The following POR variants were observed in gnomAD, a reference collection of about 807,000 sequenced individuals.
POR encodes the protein NADPH--cytochrome P450 reductase.
A neutral mutation model predicts 84.0 loss-of-function variants in POR; 56 were observed. That is an observed-to-expected ratio of 0.67 (90% CI 0.54 to 0.83). The LOEUF is 0.83. POR is among the 40% of genes least tolerant of loss of function. POR has a pLI of 0.00. For synonymous variants in POR, 414 were observed against 400.5 expected (o/e 1.03, Z -0.40); for missense variants, 938 against 944.3 (o/e 0.99, Z 0.09).
Position 75,986,015 on chromosome 7 carries a change from G to A in POR, c.1762G>A (p.Asp588Asn), listed in dbSNP as rs1404341588. 6.4e-7 allele frequency: 1 copy of A among 1,565,252 alleles called. No individual in the cohort carries two copies. The highest frequency in any genetic ancestry group is 8.6e-7 in the Non-Finnish European group (1 of 1,156,116). Residue 588 changes from aspartate to asparagine, a missense_variant, in exon 14 of 16, where the codon GAC becomes AAC. Transcript: ENST00000461988. Reference sequence around the variant, plus strand: ...GGAGGAGCTGGCGCAGTTCCACAGGGACGGTGCGCTCACCCAGCTCAACGT... The same window carrying A: ...GGAGGAGCTGGCGCAGTTCCACAGGAACGGTGCGCTCACCCAGCTCAACGT...
At position 75,947,575 on chromosome 7, in the gene POR, G is replaced by A. The variant is rs192995327; in HGVS notation, c.-4-6414G>A. On this transcript the variant is annotated intron_variant, in intron 1 of 15. Transcript: ENST00000461988. ...CTCCCAAAGTGCTGTGATTACAGGCGTTAGCCACCACGGCCGGCCCCAATG... is the reference window on the plus strand; with the variant it reads ...CTCCCAAAGTGCTGTGATTACAGGCATTAGCCACCACGGCCGGCCCCAATG... Among the ~76,000 whole-genome samples the A allele has an allele frequency of 7.9e-5, 12 of 152,302 alleles. No homozygotes were observed. The East Asian group carries it at 1.4e-3, about 17-fold the overall frequency.
At chr7:75,983,915 A>C (rs1416091543) in intron 10 of POR, 59 bp downstream of exon 10, 15 of 1,360,006 alleles carry the variant, frequency 1.1e-5, no homozygotes, top group Middle Eastern at 1.8e-4. Flanking sequence ...TTGGGCCTGT[A>C]GGAAGGCCCT....
chr7:75,923,970 A>C (rs1413159774), intron 1 of POR, among the ~76,000 whole-genome samples: 5 of 152,148 alleles, frequency 3.3e-5, no homozygotes, highest in Non-Finnish European at 5.9e-5. Context: ...CCAAGGAAAA[A>C]TTCCAGCGTT....
chr7:75,980,954 G>C, intron 5 of POR, 94 bp from the exon 6 acceptor site: 3 of 1,414,808 alleles, frequency 2.1e-6, no homozygotes, highest in Non-Finnish European at 2.8e-6. Flanking sequence ...CAGCAGCTCA[G>C]CCAGTGCTGT....
rs782773287 is a variant in POR, at chr7:75,980,589, C to T, written c.516+101C>T. 5 of 1,609,008 alleles carry T rather than the reference C, an allele frequency of 3.1e-6. No individual in the cohort carries two copies. The African/African-American group carries it at 5.3e-5, about 17-fold the overall frequency. On this transcript the variant is annotated intron_variant, in intron 5 of 15. Coordinates refer to ENST00000461988, the MANE Select transcript of POR (RefSeq NM_000941.3). Reference sequence around the variant, plus strand: ...GAAAGGCAGCCCTCCAGACCCCCACCCTGTCCTCAGCAGCCAGGGCAGGCC... The same window carrying T: ...GAAAGGCAGCCCTCCAGACCCCCACTCTGTCCTCAGCAGCCAGGGCAGGCC...
At position 75,982,382 on chromosome 7, in the gene POR, C is replaced by G. The variant is rs563513084; in HGVS notation, c.830+60C>G. On this transcript the variant is annotated intron_variant, in intron 8 of 15. Transcript: ENST00000461988. ...TCTATGGCCACTGGTGCACCCCAGG[C>G]TCAGTCTGCCGTGTATCCCCATATC... 16 of 1,369,474 alleles carry G rather than the reference C, an allele frequency of 1.2e-5. No homozygotes were observed. The South Asian group carries it at 1.9e-4, about 16-fold the overall frequency. 84.8% of individuals were successfully genotyped at this position (1,369,474 alleles called of 1,614,324 possible). A position where few individuals can be genotyped will look rare whatever the true frequency, so the allele number is the denominator to read the frequency against.
chr7:75,985,564 C>G lies in POR; in HGVS notation c.1399-15C>G. ...CCTCGGTGTGGCGGTGGAGCTCACA[C>G]GGCCCTCCCCACAGGTCCACCCCAA... On this transcript the variant is annotated splice_polypyrimidine_tract_variant and intron_variant, in intron 12 of 15. Coordinates refer to ENST00000461988, the MANE Select transcript of POR (RefSeq NM_000941.3). 6.6e-7 allele frequency: 1 copy of G among 1,517,306 alleles called. No homozygotes were observed. The highest frequency in any genetic ancestry group is 8.9e-7 in the Non-Finnish European group (1 of 1,128,116). 94.0% of individuals were successfully genotyped at this position (1,517,306 alleles called of 1,614,324 possible).
chr7:75,980,749 A>C, intron 5 of POR: 1 of 1,464,166 alleles, frequency 6.8e-7, no homozygotes, highest in Non-Finnish European at 9.1e-7. Context: ...TGGACGACTG[A>C]GACCTGCCTG....
At position 75,934,122 on chromosome 7, in the gene POR, A is replaced by AGTGTGTGTGT. The variant is rs58236447; in HGVS notation, c.-5+18984_-5+18993dup. 1.9e-3 allele frequency among the ~76,000 whole-genome samples: 244 copies of AGTGTGTGTGT among 126,852 alleles called. 4 individuals are homozygous for AGTGTGTGTGT. In the South Asian group the frequency reaches 0.026, roughly 13 times the overall value. 83.2% of individuals were successfully genotyped at this position (126,852 alleles called of 152,430 possible). A position where few individuals can be genotyped will look rare whatever the true frequency, so the allele number is the denominator to read the frequency against. On this transcript the variant is annotated intron_variant, in intron 1 of 15. Coordinates refer to ENST00000461988, the MANE Select transcript of POR (RefSeq NM_000941.3). ...TTTTTTTCCTGGTCCAAGACCTCAGAGTGTGTGTGTGTGTGTGTGTGTGTG... is the reference window on the plus strand; with the variant it reads ...TTTTTTTCCTGGTCCAAGACCTCAGAGTGTGTGTGTGTGTGTGTGTGTGTGTGTGTGTGTG...
chr7:75,979,100 T>A (rs1339180651), intron 3 of POR, among the ~76,000 whole-genome samples: 2 of 152,244 alleles, frequency 1.3e-5, no homozygotes, highest in Non-Finnish European at 2.9e-5. Context: ...CCCGGCTGCA[T>A]CCTTGGATGT....
chr7:75,974,524 C>CTTTTTTTTTTTTTTTTTTTT (rs1238804117), intron 3 of POR, among the ~76,000 whole-genome samples: 13 of 107,902 alleles, frequency 1.2e-4, no homozygotes, highest in African/African-American at 2.2e-4. Context: ...TTTTTCTTTT[C>CTTTTTTTTTTTTTTTTTTTT]TTTTTTTTTT....
intron 1 of POR, among the ~76,000 whole-genome samples, chr7:75,947,780 G>C (rs1182673136): frequency 2.0e-5 from 3 of 152,016 alleles, no homozygotes; most frequent in Admixed American, 2.0e-4. Context: ...GAATGAGTAC[G>C]AAGCTTCGAG....
intron 1 of POR, among the ~76,000 whole-genome samples, chr7:75,920,298 G>A (rs1163355950): frequency 3.3e-5 from 5 of 151,798 alleles, no homozygotes; most frequent in African/African-American, 9.7e-5. Flanking sequence ...TCAAACTCCT[G>A]ACCTCAAGTG....
chr7:75,978,283 C>T (rs1554557124), intron 3 of POR, among the ~76,000 whole-genome samples: 1 of 152,170 alleles, frequency 6.6e-6, no homozygotes, highest in East Asian at 1.9e-4. Flanking sequence ...AAGAATTCAA[C>T]TGCAGACTGA....
intron 1 of POR, among the ~76,000 whole-genome samples, chr7:75,952,810 C>G (rs1222474222): frequency 2.0e-5 from 3 of 151,366 alleles, no homozygotes; most frequent in African/African-American, 7.3e-5. Flanking sequence ...GGATGGCGGC[C>G]GGGCAGAGAC....
chr7:75,935,654 T>A (rs2116306309), intron 1 of POR, among the ~76,000 whole-genome samples: 1 of 151,432 alleles, frequency 6.6e-6, no homozygotes, highest in East Asian at 2.0e-4. Flanking sequence ...TGTGTGTGTG[T>A]GTGTGTGTGT....
chr7:75,981,576 T>G lies in POR; in HGVS notation c.701T>G (p.Phe234Cys), dbSNP rs1554557959. The G allele has an allele frequency of 1.9e-6, 3 of 1,613,106 alleles. No individual in the cohort carries two copies. The highest frequency in any genetic ancestry group is 3.3e-5 in the Admixed American group (2 of 59,970). ...TTCTGGCCGGCCGTGTGTGAACACT[T>G]TGGGGTGGAAGCCACTGGCGAGGAG... The change falls in exon 7 of 16, where the codon TTT becomes TGT. Residue 234 changes from phenylalanine (F) to cysteine (C), a missense_variant. Coordinates refer to ENST00000461988, the MANE Select transcript of POR (RefSeq NM_000941.3).
intron 1 of POR, among the ~76,000 whole-genome samples, chr7:75,948,502 C>T (rs1269895161): frequency 6.6e-6 from 1 of 152,078 alleles, no homozygotes; most frequent in African/African-American, 2.4e-5. Context: ...CTGTGAACTC[C>T]GGGAAGAGGC....
rs1487584410 is a variant in POR at position 75,985,136 on chromosome 7, C to G, written c.1327C>G (p.Pro443Ala). The G allele has an allele frequency of 1.2e-6, 2 of 1,600,054 alleles. No individual in the cohort carries two copies. Among genetic ancestry groups the G allele is most frequent in the Admixed American group, 1.7e-5 (1 of 59,996 alleles). The change falls in exon 12 of 16, where the codon CCC becomes GCC. Residue 443 changes from proline to alanine, a missense_variant. Transcript: ENST00000461988. ...GCAGGACTGCCCGTCCCTGCGGCCC[C>G]CCATCGACCACCTGTGTGAGCTGCT...
Sources: allele counts gnomAD v4.1 joint callset (sites outside exome capture counted in the v4.1 genomes callset), GRCh38; gene constraint gnomAD v4.1.1; transcripts MANE v1.5; gene names NCBI Gene and HGNC (gene_info 2026-07-23, HGNC 2026-07-21).